PRADC1: variants seen among roughly 807,000 people sequenced by gnomAD.
PRADC1 encodes the protein protease associated domain containing 1.
PRADC1 carries 23 observed loss-of-function variants against 22.9 expected under a neutral mutation model. That is an observed-to-expected ratio of 1.00 (90% CI 0.72 to 1.42). The LOEUF is 1.42. Ranked by LOEUF, PRADC1 falls within the 40% of genes most tolerant of loss-of-function variation. The pLI, the probability that PRADC1 is intolerant of heterozygous loss-of-function variation, is 0.00. For synonymous variants in PRADC1, 71 were observed against 100.3 expected, an observed-to-expected ratio of 0.71 and a Z score of 1.75; for missense variants, 207 against 258.3, an observed-to-expected ratio of 0.80 and a Z score of 1.36.
chr2:73,233,089 C>G lies in PRADC1; in HGVS notation c.67+5G>C. 1 of 1,541,366 alleles carries G rather than the reference C, an allele frequency of 6.5e-7. No individual in the cohort carries two copies. The highest frequency in any genetic ancestry group is 8.7e-7 in the Non-Finnish European group (1 of 1,152,458). On this transcript the variant is annotated splice_donor_5th_base_variant and intron_variant, in intron 1 of 4. Transcript: ENST00000258083. Reference sequence around the variant, plus strand: ...TGCAACGCAGTCCCACCCGTTGCCGCTCACCGTGGGCCGCGACGCACGCGG... The same window carrying G: ...TGCAACGCAGTCCCACCCGTTGCCGGTCACCGTGGGCCGCGACGCACGCGG...
intron 2 of PRADC1, 66 bp from the exon 3 acceptor site, chr2:73,229,636 T>A: frequency 8.1e-7 from 1 of 1,236,856 alleles, no homozygotes; most frequent in Non-Finnish European, 1.2e-6. Flanking sequence ...AGGACTGGGC[T>A]GACAATCCCA....
chr2:73,229,416 C>T (rs1686584977), intron 3 of PRADC1, 45 bp downstream of exon 3: 2 of 1,224,856 alleles, frequency 1.6e-6, no homozygotes, highest in African/African-American at 2.1e-5. Context: ...TCAGAATCTG[C>T]CGTATGCCTG....
rs780331510 is a variant in PRADC1, at chr2:73,230,070, G to T, written c.168+43C>A. On this transcript the variant is annotated intron_variant, in intron 2 of 4. Transcript: ENST00000258083. Reference sequence around the variant, plus strand: ...GTCACTGCAGCTCAGTGAGGGGAAGGGGGAGGTTGAGGATCAGAGATCAGG... The same window carrying T: ...GTCACTGCAGCTCAGTGAGGGGAAGTGGGAGGTTGAGGATCAGAGATCAGG... The T allele has an allele frequency of 2.9e-5, 39 of 1,333,260 alleles. No individual in the cohort carries two copies. In the South Asian group the frequency reaches 4.4e-4, roughly 15 times the overall value. 82.6% of individuals were successfully genotyped at this position (1,333,260 alleles called of 1,614,324 possible). A position where few individuals can be genotyped will look rare whatever the true frequency, so the allele number is the denominator to read the frequency against.
Position 73,228,708 on chromosome 2 carries a change from G to A in PRADC1, c.446+87C>T. 2.5e-6 allele frequency: 4 copies of A among 1,582,772 alleles called. No homozygotes were observed. The South Asian group carries it at 4.6e-5, about 18-fold the overall frequency. ...TCTAACTGAAGCACCCCAAGTTGAG[G>A]CCTGCAAGAAGGGACTGGTGATTAC... is the stretch of plus-strand genomic sequence containing the variant. On this transcript the variant is annotated intron_variant, in intron 4 of 4. Transcript: ENST00000258083. The surrounding 1 kb of genome is among the most constrained non-coding windows in gnomAD (Gnocchi z 4.0).
Position 73,233,107 on chromosome 2 carries a change from G to A in PRADC1, c.54C>T (p.Cys18=). Residue 18 remains cysteine (C), a synonymous_variant, in exon 1 of 5, where the codon TGC becomes TGT. Transcript: ENST00000258083. ...WCCLVLWLPA[C]VAAHGFRIHD... ...GTTGCCGCTCACCGTGGGCCGCGAC[G>A]CACGCGGGGAGCCAGAGCACGAGAC... The A allele has an allele frequency of 6.5e-7, 1 of 1,542,916 alleles. No individual in the cohort carries two copies. The highest frequency in any genetic ancestry group is 8.7e-7 in the Non-Finnish European group (1 of 1,153,904).
rs147559209 is a variant in PRADC1, at chr2:73,230,631, A to T, written c.68-418T>A. ...AGTCACTATCATCTCTTGTCCTGAC[A>T]GCTCAGCTTCTTACCTGGCCTCCCT... is the stretch of plus-strand genomic sequence containing the variant. On this transcript the variant is annotated intron_variant, in intron 1 of 4. Coordinates refer to ENST00000258083, the MANE Select transcript of PRADC1 (RefSeq NM_032319.3). 9.2e-5 allele frequency among the ~76,000 whole-genome samples: 14 copies of T among 152,370 alleles called. No homozygotes were observed. The East Asian group carries it at 2.3e-3, about 25-fold the overall frequency.
Position 73,228,768 on chromosome 2 carries a change from A to G in PRADC1, c.446+27T>C. 1 of 1,604,852 alleles carries G rather than the reference A, an allele frequency of 6.2e-7. No individual in the cohort carries two copies. The highest frequency in any genetic ancestry group is 8.5e-7 in the Non-Finnish European group (1 of 1,173,978). ...AGTCATGGCGCCCAGCCTGGTGCTG[A>G]TAAAGCCAGAGGCAAGGAGCCCTCA... On this transcript the variant is annotated intron_variant, in intron 4 of 4. Transcript: ENST00000258083. The surrounding 1 kb of genome is among the most constrained non-coding windows in gnomAD (Gnocchi z 4.0).
chr2:73,229,492 T>G lies in PRADC1; in HGVS notation c.247A>C (p.Ile83Leu). 7 of 1,608,860 alleles carry G rather than the reference T, an allele frequency of 4.4e-6. No homozygotes were observed. Among genetic ancestry groups the G allele is most frequent in the Non-Finnish European group, 5.1e-6 (6 of 1,178,354 alleles). ...ACGELSNGFF[I>L]QDQIALVERG... ...TCCACCAGAGCAATCTGGTCCTGGATGAAGAAACCGTTGCTGAGTTCCCCG... is the reference window on the plus strand; with the variant it reads ...TCCACCAGAGCAATCTGGTCCTGGAGGAAGAAACCGTTGCTGAGTTCCCCG... Residue 83 changes from isoleucine (I) to leucine (L), a missense_variant, in exon 3 of 5, where the codon ATC (isoleucine) becomes CTC (leucine). Physicochemically the swap from Ile to Leu is conservative, Grantham distance 5. Coordinates refer to ENST00000258083, the MANE Select transcript of PRADC1 (RefSeq NM_032319.3).
Position 73,228,715 on chromosome 2 carries a change from A to G in PRADC1, c.446+80T>C. 6.3e-7 allele frequency: 1 copy of G among 1,585,006 alleles called. No individual in the cohort carries two copies. The highest frequency in any genetic ancestry group is 8.6e-7 in the Non-Finnish European group (1 of 1,162,352). On this transcript the variant is annotated intron_variant, in intron 4 of 4. Coordinates refer to ENST00000258083, the MANE Select transcript of PRADC1 (RefSeq NM_032319.3). The surrounding 1 kb of genome is among the most constrained non-coding windows in gnomAD (Gnocchi z 4.0). ...GAAGCACCCCAAGTTGAGGCCTGCAAGAAGGGACTGGTGATTACCCCTGAC... is the reference window on the plus strand; with the variant it reads ...GAAGCACCCCAAGTTGAGGCCTGCAGGAAGGGACTGGTGATTACCCCTGAC...
At position 73,228,318 on chromosome 2, in the gene PRADC1, G is replaced by T; in HGVS notation, c.*136C>A. On this transcript the variant is annotated 3_prime_UTR_variant, in exon 5 of 5. Coordinates refer to ENST00000258083, the MANE Select transcript of PRADC1 (RefSeq NM_032319.3). This position sits in a 1 kb window ranked among gnomAD's most constrained non-coding sequence, Gnocchi z 4.0. ...GTGGTGTGGCTTCCCTTTCAGCCTA[G>T]CAACGCCCAAACCCTTTTCCTCTAC... The T allele has an allele frequency of 8.9e-7, 1 of 1,123,888 alleles. No homozygotes were observed. The highest frequency in any genetic ancestry group is 1.3e-6 in the Non-Finnish European group (1 of 782,680). 69.6% of individuals were successfully genotyped at this position (1,123,888 alleles called of 1,614,324 possible). A position where few individuals can be genotyped will look rare whatever the true frequency, so the allele number is the denominator to read the frequency against.
intron 1 of PRADC1, among the ~76,000 whole-genome samples, chr2:73,232,158 A>C (rs1574346636): frequency 6.6e-6 from 1 of 151,758 alleles, no homozygotes; most frequent in Admixed American, 6.6e-5. Context: ...ACACGGTGAA[A>C]CCCCCGTCTC....
Position 73,233,151 on chromosome 2 carries a change from C to G in PRADC1, c.10G>C (p.Gly4Arg), listed in dbSNP as rs1686697529. ...ACGAGACAACACCAGCCCGCGGCGC[C>G]GGGGACCATCTCCAGGGCCGGGCCC... MVPGAAGWCCLVLW... is the reference protein window; with the variant it reads MVPRAAGWCCLVLW... Residue 4 changes from glycine to arginine, a missense_variant, in exon 1 of 5, where the codon GGC becomes CGC. By Grantham distance (125) the Gly-to-Arg change is moderately radical. Transcript: ENST00000258083. 8.3e-6 allele frequency: 12 copies of G among 1,451,424 alleles called. No homozygotes were observed. Among genetic ancestry groups the G allele is most frequent in the African/African-American group, 1.6e-5 (1 of 63,330 alleles). 89.9% of individuals were successfully genotyped at this position (1,451,424 alleles called of 1,614,324 possible). A position where few individuals can be genotyped will look rare whatever the true frequency, so the allele number is the denominator to read the frequency against.
chr2:73,229,944 A>G (rs1399450971), intron 2 of PRADC1, 169 bp downstream of exon 2: 5 of 616,886 alleles, frequency 8.1e-6, no homozygotes, highest in Non-Finnish European at 1.2e-5. Context: ...TATTATACTC[A>G]GGGGAGTAGC....
chr2:73,233,031 A>G, intron 1 of PRADC1, 63 bp downstream of exon 1: 1 of 1,513,804 alleles, frequency 6.6e-7, no homozygotes, highest in Non-Finnish European at 8.8e-7. Context: ...CCCCAACCCG[A>G]GACGCGCGCA....
chr2:73,229,658 C>T lies in PRADC1; in HGVS notation c.169-88G>A. The stretch of plus-strand genomic sequence containing the variant: ...GGCTGACAATCCCATCTTATTGGCA[C>T]CTTATAAAGTGTGAAGGAAACATGG... On this transcript the variant is annotated intron_variant, in intron 2 of 4. Transcript: ENST00000258083. The T allele has an allele frequency of 5.2e-6, 5 of 968,840 alleles. No individual in the cohort carries two copies. In the East Asian group the frequency reaches 1.2e-4, roughly 24 times the overall value. The allele number at this position is 968,840 out of a possible 1,614,324, so 60.0% of individuals were successfully genotyped here. A position where few individuals can be genotyped will look rare whatever the true frequency, so the allele number is the denominator to read the frequency against.
intron 1 of PRADC1, among the ~76,000 whole-genome samples, chr2:73,232,642 G>T (rs1485494278): frequency 2.0e-5 from 3 of 152,194 alleles, no homozygotes; most frequent in African/African-American, 7.2e-5. Context: ...TAAGTTGTGG[G>T]TATACGTATG....
chr2:73,228,661 AGCCCGAGATCTTTTTTT>A lies in PRADC1; in HGVS notation c.447-104_447-88del. On this transcript the variant is annotated intron_variant, in intron 4 of 4. Transcript: ENST00000258083. This position sits in a 1 kb window ranked among gnomAD's most constrained non-coding sequence, Gnocchi z 4.0. ...GTCCCCATCAATCTGGGAGTTCCAAAGCCCGAGATCTTTTTTTGCCCTCTAACTGAAGCACCCCAAGT... is the reference window on the plus strand; with the variant it reads ...GTCCCCATCAATCTGGGAGTTCCAAAGCCCTCTAACTGAAGCACCCCAAGT... 5 of 1,601,700 alleles carry A rather than the reference AGCCCGAGATCTTTTTTT, an allele frequency of 3.1e-6. No individual in the cohort carries two copies. The highest frequency in any genetic ancestry group is 4.3e-6 in the Non-Finnish European group (5 of 1,171,846).
chr2:73,230,712 A>G (rs1036738233), intron 1 of PRADC1, among the ~76,000 whole-genome samples: 40 of 152,370 alleles, frequency 2.6e-4, no homozygotes, highest in Admixed American at 2.3e-3. Context: ...CTTAGCAATT[A>G]TGAGCACATC....
At chr2:73,231,212 C>T (rs1272681245) in intron 1 of PRADC1, among the ~76,000 whole-genome samples, 3 of 152,154 alleles carry the variant, frequency 2.0e-5, no homozygotes, top group Non-Finnish European at 2.9e-5. Context: ...CTCCGCCTCC[C>T]GGGTTCACGC....
Sources: gnomAD v4.1 joint callset for allele counts (sites outside exome capture counted in the v4.1 genomes callset) on GRCh38, gnomAD v4.1.1 for gene constraint, Gnocchi (gnomAD v3.1) non-coding constraint, MANE v1.5 for transcripts, NCBI Gene and HGNC (gene_info 2026-07-23, HGNC 2026-07-21) for gene names.